The following MAPK8IP3 variants were observed in gnomAD, a reference collection of about 807,000 sequenced individuals.
The protein encoded by MAPK8IP3 is mitogen-activated protein kinase 8 interacting protein 3, also known as C-Jun-amino-terminal kinase-interacting protein 3.
A neutral mutation model predicts 157.8 loss-of-function variants in MAPK8IP3; 49 were observed. The observed-to-expected ratio is 0.31, with a 90% CI of 0.25 to 0.39. MAPK8IP3 has a LOEUF of 0.39. Among genes scored for constraint, MAPK8IP3 ranks in the 10% least tolerant of loss-of-function variants. MAPK8IP3 has a pLI of 1.00. For synonymous variants in MAPK8IP3, 897 were observed against 777.7 expected (o/e 1.15, Z -2.55); for missense variants, 1,478 against 1,889.4 (o/e 0.78, Z 4.04).
At chr16:1,716,400 A>G (rs1180076027) in intron 1 of MAPK8IP3, among the ~76,000 whole-genome samples, 1 of 149,454 alleles carries the variant, frequency 6.7e-6, no homozygotes, top group African/African-American at 2.5e-5. Context: ...TGAGTTCAAG[A>G]GATTCTCCTG....
intron 1 of MAPK8IP3, among the ~76,000 whole-genome samples, chr16:1,712,106 T>G (rs554419304): frequency 0.019 from 2,356 of 123,862 alleles, 92 homozygotes; most frequent in African/African-American, 0.069. Flanking sequence ...CTGTCACCCA[T>G]GCTGGAGTAC....
At chr16:1,759,465 A>C (rs1219341619) in intron 10 of MAPK8IP3, among the ~76,000 whole-genome samples, 2 of 152,082 alleles carry the variant, frequency 1.3e-5, no homozygotes, top group East Asian at 3.9e-4. Flanking sequence ...GTCCAGGTCC[A>C]CTTGGGGCCT....
chr16:1,739,403 TCCA>T (rs2040448113), intron 4 of MAPK8IP3, among the ~76,000 whole-genome samples: 1 of 144,394 alleles, frequency 6.9e-6, no homozygotes, highest in East Asian at 2.2e-4. Flanking sequence ...CGTGTGACCG[TCCA>T]TGTGAGCATC....
chr16:1,737,829 C>T (rs1488947148), intron 4 of MAPK8IP3, among the ~76,000 whole-genome samples: 1 of 72,980 alleles, frequency 1.4e-5, no homozygotes, highest in African/African-American at 5.5e-5. Flanking sequence ...TCCGTGTGAG[C>T]GTGACTGTCC....
chr16:1,730,625 T>A (rs572410129), intron 4 of MAPK8IP3, among the ~76,000 whole-genome samples: 1 of 151,702 alleles, frequency 6.6e-6, no homozygotes, highest in Admixed American at 6.6e-5. Flanking sequence ...GGGCGGATCA[T>A]GAGGTCAGGA....
intron 1 of MAPK8IP3, among the ~76,000 whole-genome samples, chr16:1,719,502 C>T (rs1183418764): frequency 1.3e-5 from 2 of 152,036 alleles, no homozygotes; most frequent in Admixed American, 6.6e-5. Flanking sequence ...CATAACACCA[C>T]AACACCAGTT....
chr16:1,764,601 G>T lies in MAPK8IP3; in HGVS notation c.2280+142G>T, dbSNP rs1567206774. On this transcript the variant is annotated intron_variant, in intron 19 of 31. Transcript: ENST00000610761. The stretch of plus-strand genomic sequence containing the variant: ...CAGCGCAGGGGCTCCTAGACTGCGG[G>T]AAGCAGTGTCTTCCCTCACCAGGAC... The T allele has an allele frequency of 1.4e-5, 17 of 1,191,886 alleles. No homozygotes were observed. In the East Asian group the frequency reaches 3.6e-4, roughly 25 times the overall value. 73.8% of individuals were successfully genotyped at this position (1,191,886 alleles called of 1,614,324 possible). A position where few individuals can be genotyped will look rare whatever the true frequency, so the allele number is the denominator to read the frequency against.
chr16:1,759,170 G>C (rs555452809), intron 10 of MAPK8IP3, among the ~76,000 whole-genome samples, 175 bp downstream of exon 10: 1 of 152,308 alleles, frequency 6.6e-6, no homozygotes, highest in South Asian at 2.1e-4. Context: ...GCTGTGGGAG[G>C]TGGCGACTTC....
intron 2 of MAPK8IP3, among the ~76,000 whole-genome samples, chr16:1,728,458 G>T (rs905243593): frequency 1.2e-4 from 18 of 152,234 alleles, no homozygotes; most frequent in African/African-American, 4.3e-4. Flanking sequence ...GGTTTTGCCT[G>T]CATCTCAGAA....
chr16:1,739,698 C>T (rs2040500151), intron 4 of MAPK8IP3, among the ~76,000 whole-genome samples: 1 of 114,546 alleles, frequency 8.7e-6, no homozygotes, highest in Non-Finnish European at 1.7e-5. Context: ...GTGTGAGCTT[C>T]CGTGTGACCG....
intron 1 of MAPK8IP3, among the ~76,000 whole-genome samples, chr16:1,720,966 G>A (rs1195480877): frequency 2.6e-5 from 4 of 151,798 alleles, no homozygotes; most frequent in Non-Finnish European, 5.9e-5. Context: ...CCCAGGGGGC[G>A]GAGGTTGCAG....
intron 19 of MAPK8IP3, 48 bp from the exon 20 acceptor site, chr16:1,764,965 G>A: frequency 6.4e-7 from 1 of 1,568,622 alleles, no homozygotes; most frequent in East Asian, 2.3e-5. Flanking sequence ...GCTGCCACCG[G>A]GTAGCCTCAA....
chr16:1,737,182 G>C (rs2040005283), intron 4 of MAPK8IP3, among the ~76,000 whole-genome samples: 1 of 103,516 alleles, frequency 9.7e-6, no homozygotes, highest in African/African-American at 3.7e-5. Flanking sequence ...GTGAGCGTGT[G>C]ACCGTCCGTG....
At chr16:1,744,921 A>AT in intron 5 of MAPK8IP3, 1 of 974,472 alleles carries the variant, frequency 1.0e-6, no homozygotes. Context: ...TAATTTCTTA[A>AT]TTTTTTTGTT....
chr16:1,749,172 G>A (rs961687034), intron 8 of MAPK8IP3, among the ~76,000 whole-genome samples: 3 of 152,186 alleles, frequency 2.0e-5, no homozygotes, highest in East Asian at 1.9e-4. Flanking sequence ...ATTGAGGGTC[G>A]ACTGTATCAT....
intron 10 of MAPK8IP3, 83 bp from the exon 11 acceptor site, chr16:1,759,875 C>T (rs1446665362): frequency 4.9e-6 from 6 of 1,219,790 alleles, no homozygotes; most frequent in South Asian, 2.5e-5. Context: ...TCTTTGGAAG[C>T]GTTGTTGCCC....
chr16:1,740,069 A>ATC (rs549074280), intron 4 of MAPK8IP3, among the ~76,000 whole-genome samples: 1,356 of 70,130 alleles, frequency 0.019, 126 homozygotes, highest in African/African-American at 0.089. Context: ...TGTCCGTGTG[A>ATC]GCGTGAGCAT....
Position 1,737,517 on chromosome 16 carries a change from T to C in MAPK8IP3, c.603-5815T>C, listed in dbSNP as rs369014831. ...GAGCGTCCGTGTGAGCGTGTGACCG[T>C]CCGTGTGAGTGTGTGACCATTCGTG... On this transcript the variant is annotated intron_variant, in intron 4 of 31. Coordinates refer to ENST00000610761, the MANE Select transcript of MAPK8IP3 (RefSeq NM_001318852.2). 3.3e-3 allele frequency among the ~76,000 whole-genome samples: 293 copies of C among 89,202 alleles called. 21 individuals carry two copies. Among genetic ancestry groups the C allele is most frequent in the Middle Eastern group, 6.7e-3 (1 of 150 alleles). The allele number at this position is 89,202 out of a possible 152,430, so 58.5% of individuals were successfully genotyped here. A position where few individuals can be genotyped will look rare whatever the true frequency, so the allele number is the denominator to read the frequency against.
In MAPK8IP3 at chr16:1,766,147, G is replaced by C; in HGVS notation, c.2629+5G>C. ...CAGTGCTAGACAAGGGGCAGGGTGAGTCCTGGGCGAGTTTCCCCCATCCCC... is the reference window on the plus strand; with the variant it reads ...CAGTGCTAGACAAGGGGCAGGGTGACTCCTGGGCGAGTTTCCCCCATCCCC... On this transcript the variant is annotated splice_donor_5th_base_variant and intron_variant, in intron 21 of 31. Coordinates refer to ENST00000610761, the MANE Select transcript of MAPK8IP3 (RefSeq NM_001318852.2). 6.2e-7 allele frequency: 1 copy of C among 1,605,516 alleles called. No homozygotes were observed. The highest frequency in any genetic ancestry group is 8.5e-7 in the Non-Finnish European group (1 of 1,174,618).
Sources: allele counts gnomAD v4.1 joint callset (sites outside exome capture counted in the v4.1 genomes callset), GRCh38; gene constraint gnomAD v4.1.1; transcripts MANE v1.5; gene names NCBI Gene and HGNC (gene_info 2026-07-23, HGNC 2026-07-21).